PCDHGA2: variants seen among roughly 807,000 people sequenced by gnomAD.
The protein encoded by PCDHGA2 is protocadherin gamma subfamily A, 2.
Under a neutral mutation model 59.2 loss-of-function variants are expected in PCDHGA2, and 40 were observed. The observed-to-expected ratio is 0.68, with a 90% CI of 0.52 to 0.88. The LOEUF (loss-of-function observed/expected upper bound fraction) is 0.88. PCDHGA2 is among the 40% of genes least tolerant of loss of function. The pLI is 0.00. For missense variants in PCDHGA2, 1,226 were observed against 1,204.0 expected, an observed-to-expected ratio of 1.02 and a Z score of -0.27; for synonymous variants, 560 against 526.0, an observed-to-expected ratio of 1.06 and a Z score of -0.89.
rs1382364867 is a variant in PCDHGA2, at chr5:141,374,132, C to A, written c.2424+32737C>A. 2.5e-6 allele frequency: 4 copies of A among 1,605,166 alleles called. No homozygotes were observed. The highest frequency in any genetic ancestry group is 3.4e-6 in the Non-Finnish European group (4 of 1,174,350). On this transcript the variant is annotated intron_variant, in intron 1 of 3. Transcript: ENST00000394576. ...GCAGCGCAGCGAGCAGGTCCTGCTC[C>A]TCACGCTCCTGGGGACGCTGTGGGG...
Position 141,477,447 on chromosome 5 carries a change from G to C in PCDHGA2, c.2425-17360G>C, listed in dbSNP as rs779097830. On this transcript the variant is annotated intron_variant, in intron 1 of 3. Coordinates refer to ENST00000394576, the MANE Select transcript of PCDHGA2 (RefSeq NM_018915.4). The surrounding 1 kb of genome is among the most constrained non-coding windows in gnomAD (Gnocchi z 4.9). ...TCCCTCTCAGCCCTTACAATAGTGCGTGTTCAAGTGTCCGACATCAATGAC... is the reference window on the plus strand; with the variant it reads ...TCCCTCTCAGCCCTTACAATAGTGCCTGTTCAAGTGTCCGACATCAATGAC... The C allele has an allele frequency of 1.6e-5, 26 of 1,614,098 alleles. No individual in the cohort carries two copies. Among genetic ancestry groups the C allele is most frequent in the Non-Finnish European group, 2.2e-5 (26 of 1,180,016 alleles).
intron 2 of PCDHGA2, among the ~76,000 whole-genome samples, chr5:141,504,741 T>C (rs968590796): frequency 2.6e-5 from 4 of 151,826 alleles, no homozygotes; most frequent in South Asian, 2.1e-4. Context: ...TAGGAAGCCA[T>C]TGAATTTTAG....
In PCDHGA2 at chr5:141,350,450, C is replaced by T. The variant is rs774172640; in HGVS notation, c.2424+9055C>T. On this transcript the variant is annotated intron_variant, in intron 1 of 3. Coordinates refer to ENST00000394576, the MANE Select transcript of PCDHGA2 (RefSeq NM_018915.4). ...TGTCCGGGAGTTGCCAACTCGAAAA[C>T]TGCGGGTTAGTGCAGAGGATTATTT... The T allele has an allele frequency of 8.7e-6, 14 of 1,611,902 alleles. No individual in the cohort carries two copies. The South Asian group carries it at 1.3e-4, about 15-fold the overall frequency.
intron 1 of PCDHGA2, among the ~76,000 whole-genome samples, chr5:141,467,116 A>T (rs981562543): frequency 2.0e-5 from 3 of 150,560 alleles, no homozygotes; most frequent in Non-Finnish European, 4.4e-5. Flanking sequence ...ACAATGGTGC[A>T]ATCTCAGCTC....
intron 1 of PCDHGA2, chr5:141,424,664 A>G (rs923488035): frequency 1.3e-5 from 2 of 152,124 alleles, no homozygotes; most frequent in African/African-American, 4.8e-5. Context: ...CTTTAATTAA[A>G]CTGATTTAGC....
At chr5:141,433,034 C>T in intron 1 of PCDHGA2, 1 of 1,614,184 alleles carries the variant, frequency 6.2e-7, no homozygotes. Flanking sequence ...CGAGGTTTCC[C>T]TCACCACGGA....
At chr5:141,355,307 T>A (rs548636381) in intron 1 of PCDHGA2, 1 of 1,613,842 alleles carries the variant, frequency 6.2e-7, no homozygotes, top group African/African-American at 1.3e-5. Context: ...TACTCGGTGT[T>A]TGAGGAGCAG....
chr5:141,402,903 A>C, intron 1 of PCDHGA2: 1 of 1,525,170 alleles, frequency 6.6e-7, no homozygotes, highest in East Asian at 2.3e-5. Context: ...GAACCTGATG[A>C]AGCAGCGCGC....
chr5:141,398,787 A>G, intron 1 of PCDHGA2: 2 of 1,613,902 alleles, frequency 1.2e-6, no homozygotes, highest in Non-Finnish European at 1.7e-6. Flanking sequence ...GTGGACATCC[A>G]CCCCTAAGCG....
intron 1 of PCDHGA2, chr5:141,362,146 G>A (rs1351583274): frequency 9.9e-6 from 16 of 1,613,938 alleles, no homozygotes; most frequent in Non-Finnish European, 1.4e-5. Flanking sequence ...CCTGCAAGAG[G>A]TATTGCCAGA....
chr5:141,387,923 G>T lies in PCDHGA2; in HGVS notation c.2424+46528G>T, dbSNP rs2091157364. The T allele has an allele frequency of 2.7e-6, 4 of 1,475,394 alleles. No individual in the cohort carries two copies. In the Admixed American group the frequency reaches 1.1e-4, roughly 39 times the overall value. 91.4% of individuals were successfully genotyped at this position (1,475,394 alleles called of 1,614,324 possible). On this transcript the variant is annotated intron_variant, in intron 1 of 3. Coordinates refer to ENST00000394576, the MANE Select transcript of PCDHGA2 (RefSeq NM_018915.4). ...CCGGGGAGCTGGGCCGGGCTGAGAG[G>T]CTGCCAGTGCTCTTTCTCTTCCTGC...
intron 1 of PCDHGA2, chr5:141,423,625 A>G (rs375112361): frequency 1.6e-5 from 25 of 1,606,754 alleles, no homozygotes; most frequent in Admixed American, 6.8e-5. Flanking sequence ...AGACTCAGCT[A>G]TCATTTTAGG....
At chr5:141,350,332 C>G in intron 1 of PCDHGA2, 1 of 1,537,558 alleles carries the variant, frequency 6.5e-7, no homozygotes, top group South Asian at 1.3e-5. Context: ...CTTTGTTCTG[C>G]GGGGCCATCT....
chr5:141,421,092 C>T, intron 1 of PCDHGA2: 1 of 663,988 alleles, frequency 1.5e-6, no homozygotes, highest in Non-Finnish European at 2.5e-6. Flanking sequence ...CAGATCCTGA[C>T]ACTGGAGACT....
intron 1 of PCDHGA2, chr5:141,375,627 A>AGGAG (rs773199374): frequency 2.9e-5 from 46 of 1,613,948 alleles, no homozygotes; most frequent in Non-Finnish European, 3.6e-5. Flanking sequence ...GGGATTCTGT[A>AGGAG]CGCCCTGCGC....
chr5:141,389,488 A>G (rs1405287897), intron 1 of PCDHGA2: 2 of 1,612,912 alleles, frequency 1.2e-6, no homozygotes, highest in Non-Finnish European at 1.7e-6. Flanking sequence ...GCCCGCGACC[A>G]GGGCTCGCCA....
At chr5:141,417,602 C>T (rs556223277) in intron 1 of PCDHGA2, 2 of 510,170 alleles carry the variant, frequency 3.9e-6, no homozygotes, top group Admixed American at 3.8e-5. Context: ...TGGGCGCCGC[C>T]GTCGGCCAGT....
chr5:141,481,871 G>T (rs372191396), intron 1 of PCDHGA2, among the ~76,000 whole-genome samples: 1 of 144,788 alleles, frequency 6.9e-6, no homozygotes, highest in Non-Finnish European at 1.5e-5. Context: ...CCGAGATCGC[G>T]CCACTGCACT....
chr5:141,426,491 G>A, intron 1 of PCDHGA2: 1 of 336,822 alleles, frequency 3.0e-6, no homozygotes, highest in South Asian at 2.4e-5. Flanking sequence ...CTTAGAGTTA[G>A]TGCAGAGAAA....
Sources: allele counts gnomAD v4.1 joint callset (sites outside exome capture counted in the v4.1 genomes callset), GRCh38; gene constraint gnomAD v4.1.1; non-coding constraint Gnocchi (gnomAD v3.1); transcripts MANE v1.5; gene names NCBI Gene and HGNC (gene_info 2026-07-23, HGNC 2026-07-21).